Variants in GPC6 observed in about 807,000 individuals in gnomAD.
The protein encoded by GPC6 is glypican-6.
A neutral mutation model predicts 55.2 loss-of-function variants in GPC6; 14 were observed. The ratio of observed to expected loss-of-function variants is 0.25; its 90% CI spans 0.17 to 0.40. GPC6 has a LOEUF of 0.40. Ranked by LOEUF, GPC6 falls within the 10% of genes least tolerant of loss-of-function variation. The pLI is 1.00. For synonymous variants in GPC6, 278 were observed against 259.6 expected (o/e 1.07, Z -0.68); for missense variants, 641 against 708.5 (o/e 0.90, Z 1.08).
intron 6 of GPC6, among the ~76,000 whole-genome samples, chr13:94,325,842 T>G (rs1877087309): frequency 6.6e-6 from 1 of 152,158 alleles, no homozygotes; most frequent in Non-Finnish European, 1.5e-5. Flanking sequence ...GCAAGATAAC[T>G]TGTTTGGGTA....
intron 1 of GPC6, among the ~76,000 whole-genome samples, chr13:93,465,718 T>C (rs1173905775): frequency 6.6e-6 from 1 of 152,198 alleles, no homozygotes; most frequent in Non-Finnish European, 1.5e-5. Flanking sequence ...AGTAACACTT[T>C]TAATTTTCTT....
chr13:94,123,632 A>C (rs1232826970), intron 4 of GPC6, among the ~76,000 whole-genome samples: 3 of 151,948 alleles, frequency 2.0e-5, no homozygotes, highest in Non-Finnish European at 2.9e-5. Flanking sequence ...AAACTTCCCA[A>C]AATGCCACAA....
intron 4 of GPC6, among the ~76,000 whole-genome samples, chr13:94,184,965 A>C (rs1400035019): frequency 6.6e-6 from 1 of 152,206 alleles, no homozygotes; most frequent in African/African-American, 2.4e-5. Context: ...GCAACCATAA[A>C]AAAGAATGAA....
chr13:93,283,247 C>T (rs1221356828), intron 1 of GPC6, among the ~76,000 whole-genome samples: 1 of 152,128 alleles, frequency 6.6e-6, no homozygotes, highest in African/African-American at 2.4e-5. Flanking sequence ...TCTTATTTAT[C>T]TTTAGTTAGC....
intron 2 of GPC6, among the ~76,000 whole-genome samples, chr13:93,768,954 G>A (rs555881141): frequency 1.3e-5 from 2 of 152,122 alleles, no homozygotes; most frequent in South Asian, 2.1e-4. Context: ...ACAAAAGTGG[G>A]ATTTAAACTC....
intron 1 of GPC6, among the ~76,000 whole-genome samples, chr13:93,246,959 A>C (rs1025362942): frequency 6.6e-6 from 1 of 151,106 alleles, no homozygotes; most frequent in African/African-American, 2.4e-5. Context: ...AACTTAAAAA[A>C]CTGTGACATT....
Position 94,057,862 on chromosome 13 carries a change from G to A in GPC6, c.877+29968G>A, listed in dbSNP as rs552348144. On this transcript the variant is annotated intron_variant, in intron 4 of 8. Coordinates refer to ENST00000377047, the MANE Select transcript of GPC6 (RefSeq NM_005708.5). Reference sequence around the variant, plus strand: ...CTGATAAAAGACAGATCATTTAGATGTATAGATTTAAAAAGGAAACATGCT... The same window carrying A: ...CTGATAAAAGACAGATCATTTAGATATATAGATTTAAAAAGGAAACATGCT... 1.0e-3 allele frequency among the ~76,000 whole-genome samples: 156 copies of A among 152,290 alleles called. 1 individual carries two copies. Among genetic ancestry groups the A allele is most frequent in the African/African-American group, 3.0e-3 (125 of 41,570 alleles).
chr13:93,529,277 T>C (rs1032073517), intron 1 of GPC6, among the ~76,000 whole-genome samples: 9 of 152,274 alleles, frequency 5.9e-5, no homozygotes, highest in Non-Finnish European at 7.3e-5. Context: ...CACTTCGATG[T>C]TCTTCCCTGG....
chr13:94,209,106 C>T (rs950381224), intron 4 of GPC6, among the ~76,000 whole-genome samples: 6 of 151,832 alleles, frequency 4.0e-5, no homozygotes, highest in African/African-American at 1.5e-4. Flanking sequence ...TCCCCTTTCC[C>T]ATCTGCACAA....
At chr13:93,902,857 C>T (rs558497909) in intron 3 of GPC6, among the ~76,000 whole-genome samples, 2 of 152,038 alleles carry the variant, frequency 1.3e-5, no homozygotes, top group African/African-American at 4.8e-5. Context: ...CTTTCTGGGT[C>T]TTTGCTGATT....
In GPC6 at chr13:93,958,681, C is replaced by T. The variant is rs546229322; in HGVS notation, c.712-69048C>T. 1.0e-2 allele frequency among the ~76,000 whole-genome samples: 1,514 copies of T among 152,060 alleles called. 6 individuals are homozygous for T. Among genetic ancestry groups the T allele is most frequent in the Middle Eastern group, 0.017 (5 of 294 alleles). On this transcript the variant is annotated intron_variant, in intron 3 of 8. Coordinates refer to ENST00000377047, the MANE Select transcript of GPC6 (RefSeq NM_005708.5). ...TGGGGTTGCTTTGGCTATTTGGGCT[C>T]TTTTTTGGTTCCAAATTAATTTTAG...
chr13:93,479,529 G>A (rs9301885), intron 1 of GPC6, among the ~76,000 whole-genome samples: 119,294 of 151,884 alleles, frequency 0.79, 47,052 homozygotes, highest in East Asian at 0.99. Flanking sequence ...CATGCTTGTA[G>A]TCTCAGCACT....
chr13:93,915,495 G>T (rs1310140093), intron 3 of GPC6, among the ~76,000 whole-genome samples: 6 of 152,088 alleles, frequency 3.9e-5, no homozygotes, highest in African/African-American at 1.4e-4. Context: ...TAAAACTGAA[G>T]GGTTGAAAAA....
chr13:93,358,971 CTCTCTT>C (rs1309110951), intron 1 of GPC6, among the ~76,000 whole-genome samples: 4 of 126,922 alleles, frequency 3.2e-5, no homozygotes, highest in African/African-American at 1.3e-4. Flanking sequence ...TTAATTCTCT[CTCTCTT>C]TTTTTTTTTT....
chr13:93,801,086 G>A (rs1196106216), intron 2 of GPC6, among the ~76,000 whole-genome samples: 1 of 152,156 alleles, frequency 6.6e-6, no homozygotes, highest in African/African-American at 2.4e-5. Flanking sequence ...TTCTGAAAAA[G>A]TCTAATAAAA....
chr13:94,128,423 G>A (rs1886896986), intron 4 of GPC6, among the ~76,000 whole-genome samples: 1 of 152,172 alleles, frequency 6.6e-6, no homozygotes, highest in Non-Finnish European at 1.5e-5. Flanking sequence ...CAAAATCTCA[G>A]TGGCTTGAAA....
At position 93,720,539 on chromosome 13, in the gene GPC6, G is replaced by T. The variant is rs1325114517; in HGVS notation, c.320-109615G>T. Among the ~76,000 whole-genome samples the T allele has an allele frequency of 2.6e-5, 4 of 151,756 alleles. No homozygotes were observed. In the East Asian group the frequency reaches 5.8e-4, roughly 22 times the overall value. On this transcript the variant is annotated intron_variant, in intron 2 of 8. Coordinates refer to ENST00000377047, the MANE Select transcript of GPC6 (RefSeq NM_005708.5). ...ACAGCTCCTGGATTCATTGATTTTTGAAGGGTTTTTCCTGTCTCTATCTCC... is the reference window on the plus strand; with the variant it reads ...ACAGCTCCTGGATTCATTGATTTTTTAAGGGTTTTTCCTGTCTCTATCTCC...
chr13:94,344,863 T>G (rs1284557475), intron 6 of GPC6, among the ~76,000 whole-genome samples: 1 of 152,222 alleles, frequency 6.6e-6, no homozygotes, highest in Non-Finnish European at 1.5e-5. Flanking sequence ...TTCAATATAT[T>G]CTGGATTAAT....
intron 3 of GPC6, among the ~76,000 whole-genome samples, chr13:93,935,500 A>G (rs192898710): frequency 6.6e-6 from 1 of 152,264 alleles, no homozygotes; most frequent in Admixed American, 6.5e-5. Context: ...TTAATCAATC[A>G]TGATGGTCAC....
Sources: allele counts gnomAD v4.1 joint callset (sites outside exome capture counted in the v4.1 genomes callset), GRCh38; gene constraint gnomAD v4.1.1; transcripts MANE v1.5; gene names NCBI Gene and HGNC (gene_info 2026-07-23, HGNC 2026-07-21).